Variants in ARHGAP15 observed in about 807,000 individuals in gnomAD.
ARHGAP15 encodes Rho GTPase activating protein 15.
ARHGAP15 carries 51 observed loss-of-function variants against 63.7 expected under a neutral mutation model. The ratio of observed to expected loss-of-function variants is 0.80; its 90% CI spans 0.64 to 1.01. ARHGAP15 has a LOEUF of 1.01. Ranked by LOEUF, ARHGAP15 falls within the 50% of genes least tolerant of loss-of-function variation. ARHGAP15 has a pLI of 0.00. For missense variants in ARHGAP15, 560 were observed against 564.6 expected, an observed-to-expected ratio of 0.99 and a Z score of 0.08; for synonymous variants, 191 against 193.8, an observed-to-expected ratio of 0.99 and a Z score of 0.12.
At chr2:143,433,598 C>G (rs1056034778) in intron 6 of ARHGAP15, among the ~76,000 whole-genome samples, 10 of 151,990 alleles carry the variant, frequency 6.6e-5, no homozygotes, top group African/African-American at 2.4e-4. Context: ...TAGCATGCAC[C>G]AAAAATGCAA....
intron 5 of ARHGAP15, among the ~76,000 whole-genome samples, chr2:143,246,729 T>C (rs1041020540): frequency 6.6e-6 from 1 of 151,924 alleles, no homozygotes; most frequent in Non-Finnish European, 1.5e-5. Context: ...TGAAAGGAAG[T>C]GAAGCCAGGA....
At chr2:143,274,296 T>C (rs1446867555) in intron 6 of ARHGAP15, among the ~76,000 whole-genome samples, 1 of 152,190 alleles carries the variant, frequency 6.6e-6, no homozygotes, top group East Asian at 1.9e-4. Context: ...CTTTAATAAC[T>C]AGTTTGTTTC....
chr2:143,321,321 T>C (rs1684009527), intron 6 of ARHGAP15, among the ~76,000 whole-genome samples: 1 of 152,216 alleles, frequency 6.6e-6, no homozygotes, highest in African/African-American at 2.4e-5. Context: ...CAACTCAAAC[T>C]TGTGGAAGCA....
chr2:143,639,060 A>G (rs190163885), intron 12 of ARHGAP15, among the ~76,000 whole-genome samples: 24 of 152,256 alleles, frequency 1.6e-4, no homozygotes, highest in Admixed American at 1.5e-3. Context: ...TCGAACCCAT[A>G]ACTGGAAGAT....
chr2:143,572,477 G>C (rs1391226511), intron 11 of ARHGAP15, among the ~76,000 whole-genome samples: 1 of 152,100 alleles, frequency 6.6e-6, no homozygotes, highest in Non-Finnish European at 1.5e-5. Flanking sequence ...AGTCCACTCA[G>C]ACTTTCTAAG....
chr2:143,727,675 A>G (rs1574898686), intron 13 of ARHGAP15, among the ~76,000 whole-genome samples: 1 of 152,218 alleles, frequency 6.6e-6, no homozygotes, highest in Admixed American at 6.5e-5. Context: ...GTTCTCCATG[A>G]GTCTTTGTTG....
chr2:143,664,591 GAC>G (rs1682045116), intron 12 of ARHGAP15, among the ~76,000 whole-genome samples: 1 of 150,858 alleles, frequency 6.6e-6, no homozygotes, highest in African/African-American at 2.4e-5. Flanking sequence ...AGGAAATAGA[GAC>G]ACAAAAAACC....
intron 6 of ARHGAP15, among the ~76,000 whole-genome samples, chr2:143,324,569 CTTTCA>C (rs1265314480): frequency 1.3e-5 from 2 of 152,174 alleles, no homozygotes; most frequent in Non-Finnish European, 2.9e-5. Flanking sequence ...TTCACTAGTA[CTTTCA>C]TTTCTGTACT....
At chr2:143,429,613 T>C (rs960993826) in intron 6 of ARHGAP15, among the ~76,000 whole-genome samples, 3 of 152,068 alleles carry the variant, frequency 2.0e-5, no homozygotes, top group African/African-American at 7.2e-5. Flanking sequence ...CCCAAACACA[T>C]TGAAAACATA....
intron 9 of ARHGAP15, among the ~76,000 whole-genome samples, chr2:143,494,513 A>C (rs7604665): frequency 0.4 from 60,238 of 152,024 alleles, 13,651 homozygotes; most frequent in Non-Finnish European, 0.52. Context: ...ATCTGAGGAC[A>C]TAGATTAGAA....
At chr2:143,184,858 T>G (rs1691377988) in intron 2 of ARHGAP15, among the ~76,000 whole-genome samples, 2 of 151,532 alleles carry the variant, frequency 1.3e-5, no homozygotes, top group Admixed American at 1.3e-4. Flanking sequence ...TTTTCTTTTT[T>G]TTTTTGTAGA....
intron 2 of ARHGAP15, among the ~76,000 whole-genome samples, chr2:143,177,666 A>G (rs1478923603): frequency 6.6e-6 from 1 of 152,060 alleles, no homozygotes; most frequent in Non-Finnish European, 1.5e-5. Context: ...GGTCAAATCT[A>G]TTTTCATAAT....
intron 1 of ARHGAP15, among the ~76,000 whole-genome samples, chr2:143,141,599 A>G (rs879935122): frequency 6.6e-6 from 1 of 152,278 alleles, no homozygotes; most frequent in African/African-American, 2.4e-5. Context: ...AGCAAAGAGC[A>G]CAGCACAATA....
intron 12 of ARHGAP15, among the ~76,000 whole-genome samples, chr2:143,639,071 TC>T (rs1680482081): frequency 6.6e-6 from 1 of 152,114 alleles, no homozygotes; most frequent in Non-Finnish European, 1.5e-5. Flanking sequence ...ACTGGAAGAT[TC>T]CAAAGCTGTT....
intron 6 of ARHGAP15, among the ~76,000 whole-genome samples, chr2:143,414,624 G>A (rs1369396191): frequency 1.3e-5 from 2 of 152,018 alleles, no homozygotes; most frequent in African/African-American, 4.8e-5. Flanking sequence ...TGTTATATAA[G>A]GTCTTACACG....
At chr2:143,255,943 T>C (rs186320127) in intron 6 of ARHGAP15, among the ~76,000 whole-genome samples, 125 of 152,242 alleles carry the variant, frequency 8.2e-4, no homozygotes, top group Admixed American at 2.2e-3. Flanking sequence ...ATCTACCTAT[T>C]AGATATTCAT....
intron 8 of ARHGAP15, among the ~76,000 whole-genome samples, chr2:143,471,200 A>ATGTGTGTG (rs1558994016): frequency 2.8e-4 from 39 of 141,690 alleles, no homozygotes; most frequent in African/African-American, 9.3e-4. Flanking sequence ...ATACACACAT[A>ATGTGTGTG]TATGTGTGTA....
chr2:143,732,184 G>A (rs1031879937), intron 13 of ARHGAP15, among the ~76,000 whole-genome samples: 6 of 152,302 alleles, frequency 3.9e-5, no homozygotes, highest in Non-Finnish European at 8.8e-5. Flanking sequence ...GTTAGCACAA[G>A]CAAAGCAGAA....
chr2:143,752,053 A>G (rs1188354445), intron 13 of ARHGAP15, among the ~76,000 whole-genome samples: 2 of 152,126 alleles, frequency 1.3e-5, no homozygotes, highest in Non-Finnish European at 2.9e-5. Context: ...GTTCCAGAGG[A>G]TGCTATGTTC....
Sources: gnomAD v4.1 joint callset for allele counts (sites outside exome capture counted in the v4.1 genomes callset) on GRCh38, gnomAD v4.1.1 for gene constraint, MANE v1.5 for transcripts, NCBI Gene and HGNC (gene_info 2026-07-23, HGNC 2026-07-21) for gene names.